Variants in CNTN1 observed in about 807,000 individuals in gnomAD.
CNTN1 encodes the protein contactin-1.
A neutral mutation model predicts 126.4 loss-of-function variants in CNTN1; 38 were observed. That is an observed-to-expected ratio of 0.30 (90% CI 0.23 to 0.39). CNTN1 has a LOEUF of 0.39. CNTN1 is among the 10% of genes least tolerant of loss of function. CNTN1 has a pLI of 1.00. For missense variants in CNTN1, 1,009 were observed against 1,248.4 expected (o/e 0.81, Z 2.89); for synonymous variants, 413 against 422.6 (o/e 0.98, Z 0.28).
chr12:40,892,543 G>A (rs1184606363), intron 1 of CNTN1, among the ~76,000 whole-genome samples: 2 of 152,028 alleles, frequency 1.3e-5, no homozygotes, highest in Admixed American at 1.3e-4. Context: ...AACAAGAAGA[G>A]ATGAAAAATC....
chr12:40,984,979 CCA>C (rs1947919278), intron 16 of CNTN1, among the ~76,000 whole-genome samples: 1 of 151,874 alleles, frequency 6.6e-6, no homozygotes, highest in East Asian at 1.9e-4. Flanking sequence ...ATTACCTTTA[CCA>C]ATGCTCATTA....
intron 1 of CNTN1, among the ~76,000 whole-genome samples, chr12:40,751,008 G>C (rs976549514): frequency 6.6e-5 from 10 of 152,058 alleles, no homozygotes; most frequent in Admixed American, 1.3e-4. Flanking sequence ...TGGAAGAGGA[G>C]CCAGCACAGG....
intron 1 of CNTN1, among the ~76,000 whole-genome samples, chr12:40,788,808 C>T (rs1368874013): frequency 6.6e-6 from 1 of 152,082 alleles, no homozygotes; most frequent in Non-Finnish European, 1.5e-5. Flanking sequence ...GCTTCTCTTT[C>T]TTTTATGTTC....
At chr12:40,914,191 T>C (rs192997808) in intron 3 of CNTN1, among the ~76,000 whole-genome samples, 2 of 152,236 alleles carry the variant, frequency 1.3e-5, no homozygotes, top group Non-Finnish European at 2.9e-5. Flanking sequence ...TAGAAAAAAA[T>C]CAATAGATGA....
At chr12:40,958,468 A>G (rs986229054) in intron 14 of CNTN1, among the ~76,000 whole-genome samples, 63 of 151,890 alleles carry the variant, frequency 4.1e-4, no homozygotes, top group African/African-American at 1.4e-3. Context: ...TGGAAATTAC[A>G]TTGAAATGGT....
chr12:40,948,866 T>C (rs1214301681), intron 14 of CNTN1, among the ~76,000 whole-genome samples: 1 of 152,240 alleles, frequency 6.6e-6, no homozygotes, highest in Non-Finnish European at 1.5e-5. Flanking sequence ...GTAAGTCATG[T>C]CTACACAGTT....
Position 41,070,087 on chromosome 12 carries a change from C to A in CNTN1, c.*52C>A, listed in dbSNP as rs747196413. 4.7e-6 allele frequency: 7 copies of A among 1,503,610 alleles called. No homozygotes were observed. The highest frequency in any genetic ancestry group is 6.5e-6 in the Non-Finnish European group (7 of 1,080,620). 93.1% of individuals were successfully genotyped at this position (1,503,610 alleles called of 1,614,324 possible). ...TCCCAGCTCAGAAGACACCCTTCAA[C>A]CCTGGGATGACCACAATTCCTTCCA... is the stretch of plus-strand genomic sequence containing the variant. On this transcript the variant is annotated 3_prime_UTR_variant, in exon 24 of 24. Transcript: ENST00000551295.
At chr12:40,777,881 G>A (rs772241162) in intron 1 of CNTN1, among the ~76,000 whole-genome samples, 3 of 151,662 alleles carry the variant, frequency 2.0e-5, no homozygotes, top group Admixed American at 1.3e-4. Flanking sequence ...GGGTAAATAT[G>A]GAAATATGTA....
chr12:40,764,883 A>G (rs554671831), intron 1 of CNTN1, among the ~76,000 whole-genome samples: 4 of 152,210 alleles, frequency 2.6e-5, no homozygotes, highest in Admixed American at 2.0e-4. Context: ...ATTTACCAAC[A>G]TTTGGGGATT....
chr12:41,064,768 T>G (rs1002300261), intron 23 of CNTN1, among the ~76,000 whole-genome samples: 14 of 98,630 alleles, frequency 1.4e-4, no homozygotes, highest in African/African-American at 6.0e-4. Flanking sequence ...ATGCTACCTC[T>G]CTAGATAGAT....
intron 1 of CNTN1, among the ~76,000 whole-genome samples, chr12:40,720,099 C>G (rs1298707694): frequency 2.4e-5 from 3 of 124,700 alleles, no homozygotes; most frequent in African/African-American, 5.7e-5. Context: ...GCTCTGCCTG[C>G]CTTGGCCTCC....
intron 1 of CNTN1, among the ~76,000 whole-genome samples, chr12:40,804,612 G>A (rs1592105147): frequency 1.3e-5 from 2 of 152,074 alleles, no homozygotes; most frequent in East Asian, 1.9e-4. Flanking sequence ...TGCATCAAGA[G>A]AGCAGGGCTT....
intron 1 of CNTN1, chr12:40,729,320 G>T (rs1012866568): frequency 6.5e-6 from 1 of 153,096 alleles, no homozygotes; most frequent in Admixed American, 6.5e-5. Context: ...AGAATGCATT[G>T]CAAGAAATTG....
chr12:41,020,489 A>T, intron 20 of CNTN1, 49 bp downstream of exon 20: 1 of 1,187,542 alleles, frequency 8.4e-7, no homozygotes, highest in Non-Finnish European at 1.2e-6. Context: ...TAAATATATA[A>T]GCATACGTTT....
In CNTN1 at chr12:40,918,680, C is replaced by T. The variant is rs1261640391; in HGVS notation, c.136C>T (p.Gln46Ter). The T allele has an allele frequency of 6.2e-7, 1 of 1,613,108 alleles. No homozygotes were observed. Among genetic ancestry groups the T allele is most frequent in the African/African-American group, 1.3e-5 (1 of 74,856 alleles). ...AGGATTTGGACCAATTTTTGAAGAG[C>T]AGCCAATCAATACCATTTATCCAGA... ...DKGFGPIFEEQPINTIYPEES... is the reference protein window; with the variant it reads ...DKGFGPIFEE The change falls in exon 4 of 24, where the codon CAG becomes TAG. Residue 46 changes from glutamine to a stop codon, truncating the protein, a stop_gained. Transcript: ENST00000551295. LOFTEE classifies it high-confidence loss of function.
At chr12:41,069,897 TA>T in intron 23 of CNTN1, 61 bp from the exon 24 acceptor site, 1 of 1,371,274 alleles carries the variant, frequency 7.3e-7, no homozygotes, top group Non-Finnish European at 1.0e-6. Context: ...TGAAGCAGAC[TA>T]AATGAGCAAT....
At chr12:40,806,554 C>T (rs1391573450) in intron 1 of CNTN1, among the ~76,000 whole-genome samples, 1 of 152,138 alleles carries the variant, frequency 6.6e-6, no homozygotes, top group East Asian at 1.9e-4. Context: ...AAATGGACCA[C>T]CAGTGGGGGC....
At position 40,908,342 on chromosome 12, in the gene CNTN1, T is replaced by A; in HGVS notation, c.-76-15T>A. Reference sequence around the variant, plus strand: ...TCTAATTCTTTCCTTCTTCTTCTTTTCTTTCTTGATGCAGGTGTTTAAAAT... The same window carrying A: ...TCTAATTCTTTCCTTCTTCTTCTTTACTTTCTTGATGCAGGTGTTTAAAAT... On this transcript the variant is annotated splice_polypyrimidine_tract_variant and intron_variant, in intron 1 of 23. Coordinates refer to ENST00000551295, the MANE Select transcript of CNTN1 (RefSeq NM_001843.4). The A allele has an allele frequency of 3.4e-6, 3 of 893,020 alleles. No homozygotes were observed. The highest frequency in any genetic ancestry group is 5.5e-6 in the Non-Finnish European group (3 of 541,444). The allele number at this position is 893,020 out of a possible 1,614,324, so 55.3% of individuals were successfully genotyped here. A position where few individuals can be genotyped will look rare whatever the true frequency, so the allele number is the denominator to read the frequency against.
At chr12:40,767,172 A>G (rs921211282) in intron 1 of CNTN1, among the ~76,000 whole-genome samples, 11 of 152,110 alleles carry the variant, frequency 7.2e-5, no homozygotes, top group African/African-American at 2.7e-4. Flanking sequence ...TCAAATTTCC[A>G]ATTTATTTTA....
Sources: gnomAD v4.1 joint callset for allele counts (sites outside exome capture counted in the v4.1 genomes callset) on GRCh38, gnomAD v4.1.1 for gene constraint, MANE v1.5 for transcripts, NCBI Gene and HGNC (gene_info 2026-07-23, HGNC 2026-07-21) for gene names.